The following GPR26 variants were observed in gnomAD, a reference collection of about 807,000 sequenced individuals.
GPR26 encodes the protein G protein-coupled receptor 26.
In GPR26, 15 loss-of-function variants were observed where a neutral mutation model predicts 23.1. The ratio of observed to expected loss-of-function variants is 0.65; its 90% CI spans 0.43 to 1.00. The LOEUF (loss-of-function observed/expected upper bound fraction) is 1.00, where lower values mean the gene tolerates loss of function less well. Among genes scored for constraint, GPR26 ranks in the 50% least tolerant of loss-of-function variants. The pLI, the probability that GPR26 is intolerant of heterozygous loss-of-function variation, is 0.00. For synonymous variants in GPR26, 228 were observed against 222.1 expected, an observed-to-expected ratio of 1.03 and a Z score of -0.24; for missense variants, 359 against 470.5, an observed-to-expected ratio of 0.76 and a Z score of 2.19.
In GPR26 at chr10:123,687,688, C is replaced by T. The variant is rs574367750; in HGVS notation, c.783-241C>T. Among the ~76,000 whole-genome samples, 4 of 152,254 alleles carry T rather than the reference C, an allele frequency of 2.6e-5. No individual in the cohort carries two copies. The South Asian group carries it at 8.3e-4, about 32-fold the overall frequency. On this transcript the variant is annotated intron_variant, in intron 2 of 2. Coordinates refer to ENST00000284674, the MANE Select transcript of GPR26 (RefSeq NM_153442.4). The stretch of plus-strand genomic sequence containing the variant: ...AGAGATGGTCATATCTCCCAGGGCT[C>T]AGCAAAACCACATATGGAAAGTGCT...
At chr10:123,683,978 C>A (rs1845405668) in intron 2 of GPR26, among the ~76,000 whole-genome samples, 1 of 152,150 alleles carries the variant, frequency 6.6e-6, no homozygotes, top group Admixed American at 6.5e-5. Context: ...GTCAGAATCC[C>A]CTGACATGCT....
rs981893593 is a variant in GPR26, at chr10:123,689,928, A to C, written c.*1768A>C. The C allele has an allele frequency of 6.6e-6, 1 of 152,128 alleles. No individual in the cohort carries two copies. The highest frequency in any genetic ancestry group is 2.4e-5 in the African/African-American group (1 of 41,426). The allele number at this position is 152,128 out of a possible 1,614,324, so 9.4% of individuals were successfully genotyped here. A position where few individuals can be genotyped will look rare whatever the true frequency, so the allele number is the denominator to read the frequency against. On this transcript the variant is annotated 3_prime_UTR_variant, in exon 3 of 3. Coordinates refer to ENST00000284674, the MANE Select transcript of GPR26 (RefSeq NM_153442.4). ...CTGCTTGGGGAAGCCAATGGGGCAC[A>C]ATCCTTCCCAATTTCATGATCTGGG...
rs149128150 is a variant in GPR26 at position 123,674,628 on chromosome 10, C to A, written c.669-190C>A. Among the ~76,000 whole-genome samples, 3 of 152,228 alleles carry A rather than the reference C, an allele frequency of 2.0e-5. No individual in the cohort carries two copies. In the East Asian group the frequency reaches 5.8e-4, roughly 29 times the overall value. Reference sequence around the variant, plus strand: ...CATATTATTATTTTACACAGGAGGACCTTGAGGCTTAGTAATGTCACACTG... The same window carrying A: ...CATATTATTATTTTACACAGGAGGAACTTGAGGCTTAGTAATGTCACACTG... On this transcript the variant is annotated intron_variant, in intron 1 of 2. Coordinates refer to ENST00000284674, the MANE Select transcript of GPR26 (RefSeq NM_153442.4). The surrounding 1 kb of genome is among the most constrained non-coding windows in gnomAD (Gnocchi z 4.1).
chr10:123,688,137 A>G lies in GPR26; in HGVS notation c.991A>G (p.Asn331Asp). The change falls in exon 3 of 3, where the codon AAC (asparagine) becomes GAC (aspartate). Residue 331 changes from asparagine (N) to aspartate (D), a missense_variant. Asn to Asp is a conservative substitution (Grantham distance 23). Coordinates refer to ENST00000284674, the MANE Select transcript of GPR26 (RefSeq NM_153442.4). ...SGLTGDSHSQ[N>D]ILPVSE is the part of the protein sequence containing the mutation. ...CCTCACAGGCGACTCTCACAGCCAG[A>G]ACATTCTGCCGGTGTCTGAGTGAAG... The G allele has an allele frequency of 6.2e-7, 1 of 1,612,406 alleles. No individual in the cohort carries two copies. The highest frequency in any genetic ancestry group is 8.5e-7 in the Non-Finnish European group (1 of 1,179,402).
intron 2 of GPR26, among the ~76,000 whole-genome samples, chr10:123,675,303 T>A (rs2133924613): frequency 6.6e-6 from 1 of 152,306 alleles, no homozygotes; most frequent in Admixed American, 6.5e-5. Flanking sequence ...CCTGCTTTAC[T>A]GCCCACTGAA....
rs1845463411 is a variant in GPR26 at position 123,689,177 on chromosome 10, G to A, written c.*1017G>A. 6.6e-6 allele frequency: 1 copy of A among 152,078 alleles called. No individual in the cohort carries two copies. The highest frequency in any genetic ancestry group is 1.5e-5 in the Non-Finnish European group (1 of 68,020). 9.4% of individuals were successfully genotyped at this position (152,078 alleles called of 1,614,324 possible). On this transcript the variant is annotated 3_prime_UTR_variant, in exon 3 of 3. Coordinates refer to ENST00000284674, the MANE Select transcript of GPR26 (RefSeq NM_153442.4). Reference sequence around the variant, plus strand: ...TGGCACCTCCATTTCCTTAGTTTCTGTAAGCCTGTTAACAGAAAGTAGAGG... The same window carrying A: ...TGGCACCTCCATTTCCTTAGTTTCTATAAGCCTGTTAACAGAAAGTAGAGG...
chr10:123,676,890 GC>G (rs1181290566), intron 2 of GPR26, among the ~76,000 whole-genome samples: 1 of 152,202 alleles, frequency 6.6e-6, no homozygotes, highest in Non-Finnish European at 1.5e-5. Context: ...GGCAGCACAG[GC>G]CTGCAGAGGA....
At chr10:123,680,983 G>C (rs904640791) in intron 2 of GPR26, among the ~76,000 whole-genome samples, 7 of 152,048 alleles carry the variant, frequency 4.6e-5, no homozygotes, top group Admixed American at 2.0e-4. Context: ...GGGACTGCAG[G>C]TGCGCACCAT....
At chr10:123,682,851 A>G (rs1191459761) in intron 2 of GPR26, among the ~76,000 whole-genome samples, 2 of 152,202 alleles carry the variant, frequency 1.3e-5, no homozygotes, top group African/African-American at 4.8e-5. Flanking sequence ...AATTTAAAGC[A>G]TCAGCTCATT....
intron 2 of GPR26, among the ~76,000 whole-genome samples, chr10:123,676,474 T>A (rs1456285405): frequency 6.6e-6 from 1 of 152,144 alleles, no homozygotes; most frequent in African/African-American, 2.4e-5. Flanking sequence ...GGGATGCCAG[T>A]AGCACCTCCT....
intron 2 of GPR26, among the ~76,000 whole-genome samples, chr10:123,679,910 C>T (rs1238435081): frequency 6.6e-6 from 1 of 152,240 alleles, no homozygotes; most frequent in East Asian, 1.9e-4. Context: ...CAGCCCACTG[C>T]ACTGCAGCTG....
In GPR26 at chr10:123,688,068, A is replaced by G; in HGVS notation, c.922A>G (p.Ile308Val). ...RHQYRKSCKE[I>V]LNRLLHRRSI... ...CCAGTACCGCAAAAGCTGCAAGGAG[A>G]TTCTGAACAGGCTCCTGCACAGACG... is the stretch of plus-strand genomic sequence containing the variant. Residue 308 changes from isoleucine (I) to valine (V), a missense_variant, in exon 3 of 3, where the codon ATT becomes GTT. Physicochemically the swap from Ile to Val is conservative, Grantham distance 29. Transcript: ENST00000284674. 1 of 1,614,050 alleles carries G rather than the reference A, an allele frequency of 6.2e-7. No homozygotes were observed. Among genetic ancestry groups the G allele is most frequent in the Non-Finnish European group, 8.5e-7 (1 of 1,179,958 alleles).
intron 2 of GPR26, among the ~76,000 whole-genome samples, 182 bp from the exon 3 acceptor site, chr10:123,687,747 G>C (rs1462606006): frequency 6.6e-6 from 1 of 152,208 alleles, no homozygotes; most frequent in East Asian, 1.9e-4. Flanking sequence ...ACAGCCTGAT[G>C]AATGTTCACC....
Position 123,666,589 on chromosome 10 carries a change from C to T in GPR26, c.182C>T (p.Pro61Leu), listed in dbSNP as rs1381853596. The change falls in exon 1 of 3, where the codon CCG becomes CTG. Residue 61 changes from proline to leucine, a missense_variant. Transcript: ENST00000284674. ...CTGCTGTGCACCGTGGTCAACATGC[C>T]GCTCACGCTGGCCGGCGTCGTGGCG... is the stretch of plus-strand genomic sequence containing the variant. The part of the protein sequence containing the change: ...GNLLCTVVNM[P>L]LTLAGVVAQR... 2 of 1,595,616 alleles carry T rather than the reference C, an allele frequency of 1.3e-6. No homozygotes were observed. The highest frequency in any genetic ancestry group is 8.5e-7 in the Non-Finnish European group (1 of 1,173,244).
chr10:123,688,372 G>A lies in GPR26; in HGVS notation c.*212G>A, dbSNP rs572032604. 11 of 575,586 alleles carry A rather than the reference G, an allele frequency of 1.9e-5. No homozygotes were observed. The highest frequency in any genetic ancestry group is 2.8e-5 in the Non-Finnish European group (9 of 321,536). The allele number at this position is 575,586 out of a possible 1,614,324, so 35.7% of individuals were successfully genotyped here. On this transcript the variant is annotated 3_prime_UTR_variant, in exon 3 of 3. Transcript: ENST00000284674. ...CCTTATTTGTCACCAAAGGATGACT[G>A]TAGGCCGTGTGCTGGCCTTTCTTTC...
chr10:123,686,460 C>G (rs1417969031), intron 2 of GPR26, among the ~76,000 whole-genome samples: 1 of 152,078 alleles, frequency 6.6e-6, no homozygotes, highest in Non-Finnish European at 1.5e-5. Context: ...GGTCAGAGGG[C>G]AAAGGTAGAC....
chr10:123,685,711 C>T (rs1423160225), intron 2 of GPR26, among the ~76,000 whole-genome samples: 2 of 152,246 alleles, frequency 1.3e-5, no homozygotes, highest in African/African-American at 4.8e-5. Flanking sequence ...GAAGGGACCC[C>T]AGAGCTTCCT....
intron 2 of GPR26, among the ~76,000 whole-genome samples, chr10:123,677,078 T>A (rs1289760616): frequency 6.6e-6 from 1 of 152,196 alleles, no homozygotes; most frequent in East Asian, 1.9e-4. Context: ...AGCCGTGGGC[T>A]AATGAGGTGA....
In GPR26 at chr10:123,688,043, C is replaced by T; in HGVS notation, c.897C>T (p.His299=). The T allele has an allele frequency of 1.2e-6, 2 of 1,613,724 alleles. No individual in the cohort carries two copies. Among genetic ancestry groups the T allele is most frequent in the Non-Finnish European group, 8.5e-7 (1 of 1,179,632 alleles). The change falls in exon 3 of 3, where the codon CAC becomes CAT. Residue 299 remains histidine, a synonymous_variant. Transcript: ENST00000284674. ...CCTTTGTGTACTCCTTACTGCGACA[C>T]CAGTACCGCAAAAGCTGCAAGGAGA... ...SDPFVYSLLR[H]QYRKSCKEIL...
Sources: allele counts gnomAD v4.1 joint callset (sites outside exome capture counted in the v4.1 genomes callset), GRCh38; gene constraint gnomAD v4.1.1; non-coding constraint Gnocchi (gnomAD v3.1); transcripts MANE v1.5; gene names NCBI Gene and HGNC (gene_info 2026-07-23, HGNC 2026-07-21).